TECPR2: variants seen among roughly 807,000 people sequenced by gnomAD.
The protein encoded by TECPR2 is tectonin beta-propeller repeat containing 2, also known as tectonin beta-propeller repeat-containing protein 2.
Under a neutral mutation model 138.1 loss-of-function variants are expected in TECPR2, and 65 were observed. The ratio of observed to expected loss-of-function variants is 0.47; its 90% CI spans 0.39 to 0.58. The LOEUF is 0.58. TECPR2 is among the 20% of genes least tolerant of loss of function. The pLI, the probability that TECPR2 is intolerant of heterozygous loss-of-function variation, is 0.00. For synonymous variants in TECPR2, 746 were observed against 749.8 expected (o/e 0.99, Z 0.08); for missense variants, 1,553 against 1,824.5 (o/e 0.85, Z 2.71).
chr14:102,438,029 A>G lies in TECPR2; in HGVS notation c.2402A>G (p.Glu801Gly). ...TGGCTCTTCCCTTGTTAGTTTGCAGAAAGCTGGATGGGCTACTCGGGTCCC... is the reference window on the plus strand; with the variant it reads ...TGGCTCTTCCCTTGTTAGTTTGCAGGAAGCTGGATGGGCTACTCGGGTCCC... ...AGLLKPDQFA[E>G]SWMGYSGPGY... The change falls in exon 10 of 20, where the codon GAA becomes GGA. Residue 801 changes from glutamate (E) to glycine (G), a missense_variant. Coordinates refer to ENST00000359520, the MANE Select transcript of TECPR2 (RefSeq NM_014844.5). The G allele has an allele frequency of 6.2e-7, 1 of 1,613,368 alleles. No homozygotes were observed. The highest frequency in any genetic ancestry group is 1.1e-5 in the South Asian group (1 of 91,010).
At chr14:102,462,125 T>C (rs117195723) in intron 16 of TECPR2, among the ~76,000 whole-genome samples, 2,127 of 152,350 alleles carry the variant, frequency 0.014, 22 homozygotes, top group Middle Eastern at 0.024. Context: ...GTGTTGTTGC[T>C]GCCAACTCTG....
At chr14:102,490,649 A>G (rs1327584969) in intron 17 of TECPR2, among the ~76,000 whole-genome samples, 1 of 152,200 alleles carries the variant, frequency 6.6e-6, no homozygotes, top group Non-Finnish European at 1.5e-5. Context: ...GAAAAGGTCC[A>G]GACTCAGGCA....
chr14:102,388,823 A>T (rs1888090407), intron 2 of TECPR2, among the ~76,000 whole-genome samples: 1 of 152,024 alleles, frequency 6.6e-6, no homozygotes, highest in South Asian at 2.1e-4. Context: ...TAGCCGGGTG[A>T]GATGGCAGGC....
chr14:102,438,318 C>T (rs1413418430), intron 10 of TECPR2, 113 bp downstream of exon 10: 17 of 1,327,820 alleles, frequency 1.3e-5, no homozygotes, highest in Non-Finnish European at 1.6e-5. Context: ...GCTCTGGGCT[C>T]ACGCTGCCGT....
chr14:102,363,248 C>T (rs1887232391), intron 1 of TECPR2, 132 bp downstream of exon 1: 2 of 200,266 alleles, frequency 1.0e-5, no homozygotes, highest in Non-Finnish European at 2.0e-5. Context: ...TGCCCGTCCG[C>T]CCCGTCTCCC....
intron 2 of TECPR2, among the ~76,000 whole-genome samples, chr14:102,381,278 A>G (rs1887809082): frequency 6.6e-6 from 1 of 152,214 alleles, no homozygotes; most frequent in African/African-American, 2.4e-5. Flanking sequence ...GCACATTTTT[A>G]AAGTGGCTGA....
chr14:102,395,537 C>T (rs1384814510), intron 2 of TECPR2, among the ~76,000 whole-genome samples: 6 of 152,308 alleles, frequency 3.9e-5, no homozygotes, highest in East Asian at 1.9e-4. Flanking sequence ...CGGTGGCTCA[C>T]GCCTGTAATC....
At chr14:102,382,010 T>C (rs1948143245) in intron 2 of TECPR2, among the ~76,000 whole-genome samples, 1 of 151,944 alleles carries the variant, frequency 6.6e-6, no homozygotes, top group African/African-American at 2.4e-5. Context: ...AAATTACGTA[T>C]AGGCCGGGCA....
intron 17 of TECPR2, among the ~76,000 whole-genome samples, chr14:102,495,163 G>A (rs182136994): frequency 1.3e-3 from 200 of 151,292 alleles, no homozygotes; most frequent in African/African-American, 4.3e-3. Context: ...GCAGTGAGCC[G>A]GGATTGCGCC....
At position 102,440,496 on chromosome 14, in the gene TECPR2, C is replaced by T. The variant is rs748555985; in HGVS notation, c.2639C>T (p.Thr880Ile). Residue 880 changes from threonine (T) to isoleucine (I), a missense_variant, in exon 11 of 20, where the codon ACC becomes ATC. Thr to Ile is a moderately conservative substitution (Grantham distance 89). Transcript: ENST00000359520. ...SNRAFACGKV[T>I]IKGKRHWYEA... ...CGGGCTTTTGCTTGTGGGAAAGTCA[C>T]CATCAAGGGGAAGCGGCACTGGTAC... 1 of 1,614,226 alleles carries T rather than the reference C, an allele frequency of 6.2e-7. No homozygotes were observed. Among genetic ancestry groups the T allele is most frequent in the South Asian group, 1.1e-5 (1 of 91,086 alleles).
chr14:102,365,008 T>A (rs1271882317), intron 1 of TECPR2, among the ~76,000 whole-genome samples: 1 of 152,228 alleles, frequency 6.6e-6, no homozygotes, highest in Non-Finnish European at 1.5e-5. Context: ...TTACTCAAGA[T>A]GCATGTTCAA....
chr14:102,490,577 G>T (rs1253863742), intron 17 of TECPR2, among the ~76,000 whole-genome samples: 1 of 152,186 alleles, frequency 6.6e-6, no homozygotes, highest in Non-Finnish European at 1.5e-5. Flanking sequence ...TCTGTGGCTC[G>T]GGGTCATGAT....
chr14:102,399,105 CA>C (rs1424132120), intron 2 of TECPR2, among the ~76,000 whole-genome samples: 1 of 152,020 alleles, frequency 6.6e-6, no homozygotes, highest in Non-Finnish European at 1.5e-5. Flanking sequence ...TCTAAAAATA[CA>C]AAAATTAGCC....
At chr14:102,394,633 G>T (rs1324155447) in intron 2 of TECPR2, among the ~76,000 whole-genome samples, 1 of 152,122 alleles carries the variant, frequency 6.6e-6, no homozygotes, top group African/African-American at 2.4e-5. Flanking sequence ...TAGTTAACCT[G>T]TCTGGAGCTC....
At chr14:102,471,271 A>G (rs1175044236) in intron 17 of TECPR2, among the ~76,000 whole-genome samples, 1 of 152,122 alleles carries the variant, frequency 6.6e-6, no homozygotes, top group East Asian at 1.9e-4. Context: ...TCTTGAGTCA[A>G]TCTAAGTAGT....
intron 16 of TECPR2, among the ~76,000 whole-genome samples, chr14:102,456,832 G>C (rs1038339687): frequency 5.9e-5 from 9 of 151,868 alleles, no homozygotes; most frequent in African/African-American, 2.2e-4. Flanking sequence ...CTCGTGATCT[G>C]CTCGCCTCAG....
intron 13 of TECPR2, among the ~76,000 whole-genome samples, chr14:102,449,286 A>G (rs1400311184): frequency 6.6e-6 from 1 of 152,260 alleles, no homozygotes; most frequent in Non-Finnish European, 1.5e-5. Flanking sequence ...GATTAGAATG[A>G]AAGTCTTCTT....
At chr14:102,425,555 C>T (rs1320297913) in intron 6 of TECPR2, among the ~76,000 whole-genome samples, 2 of 151,518 alleles carry the variant, frequency 1.3e-5, no homozygotes, top group Non-Finnish European at 2.9e-5. Context: ...CAAAATTAAA[C>T]TTGTTCTTTT....
intron 17 of TECPR2, among the ~76,000 whole-genome samples, chr14:102,494,525 A>G (rs1397998188): frequency 6.7e-6 from 1 of 149,926 alleles, no homozygotes; most frequent in Non-Finnish European, 1.5e-5. Flanking sequence ...ACACAGTGAG[A>G]CTCAAAAAAA....
Sources: gnomAD v4.1 joint callset for allele counts (sites outside exome capture counted in the v4.1 genomes callset) on GRCh38, gnomAD v4.1.1 for gene constraint, MANE v1.5 for transcripts, NCBI Gene and HGNC (gene_info 2026-07-23, HGNC 2026-07-21) for gene names.